Variants in SLC39A12 observed in about 807,000 individuals in gnomAD.
SLC39A12 encodes the protein solute carrier family 39 member 12.
A neutral mutation model predicts 71.1 loss-of-function variants in SLC39A12; 63 were observed. The ratio of observed to expected loss-of-function variants is 0.89; its 90% CI spans 0.72 to 1.09. SLC39A12 has a LOEUF of 1.09. Among genes scored for constraint, SLC39A12 ranks in the 50% least tolerant of loss-of-function variants. The pLI is 0.00. For missense variants in SLC39A12, 892 were observed against 812.6 expected (o/e 1.10, Z -1.19); for synonymous variants, 351 against 301.3 (o/e 1.16, Z -1.71).
chr10:17,974,703 A>G (rs1835061515), intron 4 of SLC39A12, among the ~76,000 whole-genome samples: 1 of 152,128 alleles, frequency 6.6e-6, no homozygotes. Flanking sequence ...CACTATGACC[A>G]CACTGGGTTA....
chr10:18,015,269 C>G (rs1005000525), intron 12 of SLC39A12, among the ~76,000 whole-genome samples: 24 of 152,028 alleles, frequency 1.6e-4, no homozygotes, highest in African/African-American at 5.1e-4. Context: ...TTACATGTCT[C>G]TTTGTAATCA....
chr10:18,038,370 T>G (rs1799355254), intron 12 of SLC39A12, among the ~76,000 whole-genome samples: 1 of 152,052 alleles, frequency 6.6e-6, no homozygotes, highest in Non-Finnish European at 1.5e-5. Flanking sequence ...TGGACAATTG[T>G]TTTAAAAATT....
chr10:17,960,738 T>C (rs1834667848), intron 2 of SLC39A12, among the ~76,000 whole-genome samples: 2 of 152,232 alleles, frequency 1.3e-5, no homozygotes, highest in Admixed American at 6.5e-5. Flanking sequence ...AGCCCGCTTG[T>C]AACTGTTGGG....
intron 12 of SLC39A12, among the ~76,000 whole-genome samples, chr10:18,041,136 CCTT>C (rs1345406020): frequency 6.6e-6 from 1 of 152,088 alleles, no homozygotes; most frequent in Admixed American, 6.6e-5. Context: ...CTTGCTCTGA[CCTT>C]CTCAGGGTGA....
intron 8 of SLC39A12, 129 bp from the exon 9 acceptor site, chr10:17,993,052 G>T: frequency 1.8e-6 from 1 of 556,898 alleles, no homozygotes; most frequent in South Asian, 3.2e-5. Context: ...CATTCTTAAA[G>T]CATCCCAGTT....
intron 12 of SLC39A12, among the ~76,000 whole-genome samples, chr10:18,040,489 G>T (rs1480858409): frequency 6.6e-6 from 1 of 152,062 alleles, no homozygotes; most frequent in Non-Finnish European, 1.5e-5. Flanking sequence ...TGTCAACCTG[G>T]CCAGGCATGG....
At chr10:18,024,198 C>G (rs1836612204) in intron 12 of SLC39A12, among the ~76,000 whole-genome samples, 1 of 151,786 alleles carries the variant, frequency 6.6e-6, no homozygotes, top group Non-Finnish European at 1.5e-5. Context: ...CTGTCTGCTT[C>G]TCAACACTGT....
rs1554847350 is a variant in SLC39A12, at chr10:17,953,347, C to T, written c.71C>T (p.Thr24Ile). The change falls in exon 2 of 13, where the codon ACT becomes ATT. Residue 24 changes from threonine to isoleucine, a missense_variant. Transcript: ENST00000377369. ...CTTCTACTCAGCCGTGTTTTTTCTA[C>T]TGAGACAGACAAACCCTCAGCCCAG... ...LFLLLSRVFS[T>I]ETDKPSAQDS... 1.2e-6 allele frequency: 2 copies of T among 1,614,152 alleles called. No individual in the cohort carries two copies. Among genetic ancestry groups the T allele is most frequent in the Admixed American group, 3.3e-5 (2 of 60,024 alleles).
chr10:17,991,283 C>T lies in SLC39A12; in HGVS notation c.1402C>T (p.Leu468Phe). 1 of 1,587,990 alleles carries T rather than the reference C, an allele frequency of 6.3e-7. No individual in the cohort carries two copies. Among genetic ancestry groups the T allele is most frequent in the Non-Finnish European group, 8.5e-7 (1 of 1,171,910 alleles). Reference sequence around the variant, plus strand: ...CTTGATAGAAAAATGTTTTATTCTTCTTGTATCACCAAATGACAAGGTATA... The same window carrying T: ...CTTGATAGAAAAATGTTTTATTCTTTTTGTATCACCAAATGACAAGGTATA... Reference protein sequence around the residue: ...FFLIEKCFILLVSPNDKQGLS... With the variant: ...FFLIEKCFILFVSPNDKQGLS... The change falls in exon 8 of 13, where the codon CTT becomes TTT. Residue 468 changes from leucine (L) to phenylalanine (F), a missense_variant. By Grantham distance (22) the Leu-to-Phe change is conservative. Transcript: ENST00000377369.
chr10:18,042,965 C>G lies in SLC39A12; in HGVS notation c.*132C>G. On this transcript the variant is annotated 3_prime_UTR_variant, in exon 13 of 13. Coordinates refer to ENST00000377369, the MANE Select transcript of SLC39A12 (RefSeq NM_001145195.2). Reference sequence around the variant, plus strand: ...AAGTGTGTCTCTTTCAATTCATTAACTTATTAATTTTATAATGCAGTTTTA... The same window carrying G: ...AAGTGTGTCTCTTTCAATTCATTAAGTTATTAATTTTATAATGCAGTTTTA... 1 of 647,918 alleles carries G rather than the reference C, an allele frequency of 1.5e-6. No individual in the cohort carries two copies. The highest frequency in any genetic ancestry group is 1.9e-5 in the African/African-American group (1 of 52,524). 40.1% of individuals were successfully genotyped at this position (647,918 alleles called of 1,614,324 possible).
chr10:18,042,913 T>C lies in SLC39A12; in HGVS notation c.*80T>C, dbSNP rs1837299889. The C allele has an allele frequency of 8.1e-7, 1 of 1,239,180 alleles. No individual in the cohort carries two copies. Among genetic ancestry groups the C allele is most frequent in the African/African-American group, 1.6e-5 (1 of 64,036 alleles). 76.8% of individuals were successfully genotyped at this position (1,239,180 alleles called of 1,614,324 possible). The stretch of plus-strand genomic sequence containing the variant: ...TTTCATTGCACTCTATAATGATTTT[T>C]AAATTAAGAATTTTTTATCTTAGGC... On this transcript the variant is annotated 3_prime_UTR_variant, in exon 13 of 13. Transcript: ENST00000377369.
intron 6 of SLC39A12, among the ~76,000 whole-genome samples, chr10:17,982,479 A>G (rs1389967699): frequency 6.6e-6 from 1 of 152,170 alleles, no homozygotes; most frequent in Non-Finnish European, 1.5e-5. Context: ...TGCAATAGCA[A>G]TCATAGCTGA....
Position 18,028,592 on chromosome 10 carries a change from G to GC in SLC39A12, c.1948-14113_1948-14112insC, listed in dbSNP as rs1253896396. On this transcript the variant is annotated intron_variant, in intron 12 of 12. Transcript: ENST00000377369. ...AGTATACAGTTATCACATAGGACCA[G>GC]ATGCTGGTATTTGTCTACTTTCTTT... Among the ~76,000 whole-genome samples the GC allele has an allele frequency of 2.7e-3, 404 of 152,312 alleles. 1 individual carries two copies. Among genetic ancestry groups the GC allele is most frequent in the African/African-American group, 9.3e-3 (385 of 41,584 alleles).
chr10:18,036,544 T>C lies in SLC39A12; in HGVS notation c.1948-6161T>C, dbSNP rs988794355. Among the ~76,000 whole-genome samples, 67 of 151,802 alleles carry C rather than the reference T, an allele frequency of 4.4e-4. No homozygotes were observed. In the Middle Eastern group the frequency reaches 0.01, roughly 23 times the overall value. ...CGCGCACCCACTGGCCTGCGCCCAC[T>C]GTCCGGCACTCCCTAGTGAGATGAA... On this transcript the variant is annotated intron_variant, in intron 12 of 12. Coordinates refer to ENST00000377369, the MANE Select transcript of SLC39A12 (RefSeq NM_001145195.2).
In SLC39A12 at chr10:17,992,897, T is replaced by C. The variant is rs183881423; in HGVS notation, c.1423-284T>C. On this transcript the variant is annotated intron_variant, in intron 8 of 12. Transcript: ENST00000377369. ...CAGGGTACAATACAGTTTTGATTAT[T>C]ATCATTGCGGTATCTCCATCAGAAA... Among the ~76,000 whole-genome samples, 84 of 152,348 alleles carry C rather than the reference T, an allele frequency of 5.5e-4. 1 individual carries two copies. Among genetic ancestry groups the C allele is most frequent in the Middle Eastern group, 3.4e-3 (1 of 294 alleles).
rs1465698625 is a variant in SLC39A12, at chr10:18,036,114, C to G, written c.1948-6591C>G. Among the ~76,000 whole-genome samples, 3 of 152,250 alleles carry G rather than the reference C, an allele frequency of 2.0e-5. No individual in the cohort carries two copies. The East Asian group carries it at 5.8e-4, about 29-fold the overall frequency. On this transcript the variant is annotated intron_variant, in intron 12 of 12. Transcript: ENST00000377369. ...TGCTGTCTTTTTGTTTGTCTGTGCC[C>G]TGCCCCCAGAGGTGGAGCCTGCAGT...
intron 12 of SLC39A12, among the ~76,000 whole-genome samples, chr10:18,020,164 T>C (rs1264722328): frequency 1.3e-5 from 2 of 152,020 alleles, no homozygotes; most frequent in African/African-American, 4.8e-5. Context: ...CTAATATCTA[T>C]TATACCCTTC....
At chr10:17,982,765 A>G (rs1835293402) in intron 6 of SLC39A12, among the ~76,000 whole-genome samples, 1 of 152,136 alleles carries the variant, frequency 6.6e-6, no homozygotes, top group Non-Finnish European at 1.5e-5. Flanking sequence ...GCCGGAATGT[A>G]CAGGCCGCTC....
chr10:17,961,178 G>T (rs950819958), intron 2 of SLC39A12, among the ~76,000 whole-genome samples: 1 of 152,218 alleles, frequency 6.6e-6, no homozygotes. Context: ...AGGGGCAGAA[G>T]TTGAGTGAGA....
Sources: gnomAD v4.1 joint callset for allele counts (sites outside exome capture counted in the v4.1 genomes callset) on GRCh38, gnomAD v4.1.1 for gene constraint, MANE v1.5 for transcripts, NCBI Gene and HGNC (gene_info 2026-07-23, HGNC 2026-07-21) for gene names.